Variants in DCAF12 observed in about 807,000 individuals in gnomAD.
DCAF12 encodes the protein DDB1- and CUL4-associated factor 12.
Under a neutral mutation model 52.8 loss-of-function variants are expected in DCAF12, and 28 were observed. That is an observed-to-expected ratio of 0.53 (90% CI 0.39 to 0.73). The LOEUF (loss-of-function observed/expected upper bound fraction) is 0.73, where lower values mean the gene tolerates loss of function less well. Among genes scored for constraint, DCAF12 ranks in the 30% least tolerant of loss-of-function variants. The pLI is 0.00. For synonymous variants in DCAF12, 196 were observed against 215.5 expected (o/e 0.91, Z 0.79); for missense variants, 425 against 552.2 (o/e 0.77, Z 2.31).
chr9:34,126,522 C>T lies in DCAF12; in HGVS notation c.-91G>A. The T allele has an allele frequency of 7.0e-7, 1 of 1,430,904 alleles. No individual in the cohort carries two copies. The highest frequency in any genetic ancestry group is 9.3e-7 in the Non-Finnish European group (1 of 1,077,062). 88.6% of individuals were successfully genotyped at this position (1,430,904 alleles called of 1,614,324 possible). ...CGGGTCATATACTGGGCCCCGGGGC[C>T]GCGCACCTTAGTGCGCCCGGCCCGG... On this transcript the variant is annotated 5_prime_UTR_variant, in exon 1 of 9. Transcript: ENST00000361264.
chr9:34,125,124 G>T lies in DCAF12; in HGVS notation c.232C>A (p.Leu78Ile). The T allele has an allele frequency of 6.2e-7, 1 of 1,614,124 alleles. No individual in the cohort carries two copies. The highest frequency in any genetic ancestry group is 8.5e-7 in the Non-Finnish European group (1 of 1,180,030). Residue 78 changes from leucine (L) to isoleucine (I), a missense_variant, in exon 2 of 9, where the codon CTC becomes ATC. Physicochemically the swap from Leu to Ile is conservative, Grantham distance 5. Coordinates refer to ENST00000361264, the MANE Select transcript of DCAF12 (RefSeq NM_015397.4). ...AGGTGAAACTCTCTCTCCTTCAGGA[G>T]ACTGGGAAGTTGCTGTGCTGCATAA... is the stretch of plus-strand genomic sequence containing the variant. ...HGYAAQQLPS[L>I]LKEREFHLGT...
At chr9:34,096,347 CA>C (rs1488230302) in intron 6 of DCAF12, 1 of 199,020 alleles carries the variant, frequency 5.0e-6, no homozygotes, top group African/African-American at 2.3e-5. Context: ...GACTGCACTC[CA>C]ACTTGGGTGA....
intron 2 of DCAF12, among the ~76,000 whole-genome samples, chr9:34,121,848 C>T (rs4879748): frequency 0.31 from 46,409 of 151,938 alleles, 7,570 homozygotes; most frequent in Non-Finnish European, 0.36. Flanking sequence ...GAGGCTGAGG[C>T]GGGAGAATCG....
At chr9:34,121,694 C>T (rs1829176930) in intron 2 of DCAF12, among the ~76,000 whole-genome samples, 1 of 152,142 alleles carries the variant, frequency 6.6e-6, no homozygotes, top group African/African-American at 2.4e-5. Flanking sequence ...CCTGTAATCC[C>T]AGCACTTTGG....
rs943545921 is a variant in DCAF12 at position 34,096,636 on chromosome 9, A to G, written c.861+80T>C. ...AATGAATAGATAAAATAAACATGAA[A>G]AAAAAGCTCAGCTAGAATTACAGTA... is the stretch of plus-strand genomic sequence containing the variant. On this transcript the variant is annotated intron_variant, in intron 6 of 8. Transcript: ENST00000361264. 3.1e-5 allele frequency: 41 copies of G among 1,303,810 alleles called. No individual in the cohort carries two copies. In the East Asian group the frequency reaches 9.7e-4, roughly 31 times the overall value. 80.8% of individuals were successfully genotyped at this position (1,303,810 alleles called of 1,614,324 possible).
intron 6 of DCAF12, 57 bp downstream of exon 6, chr9:34,096,659 G>A: frequency 6.9e-7 from 1 of 1,445,774 alleles, no homozygotes; most frequent in Non-Finnish European, 9.6e-7. Flanking sequence ...TAGAATTACA[G>A]TATTTTAACT....
Position 34,126,526 on chromosome 9 carries a change from C to A in DCAF12, c.-95G>T. On this transcript the variant is annotated 5_prime_UTR_variant, in exon 1 of 9. Coordinates refer to ENST00000361264, the MANE Select transcript of DCAF12 (RefSeq NM_015397.4). ...TCATATACTGGGCCCCGGGGCCGCG[C>A]ACCTTAGTGCGCCCGGCCCGGAAAA... The A allele has an allele frequency of 6.6e-6, 9 of 1,361,412 alleles. No homozygotes were observed. Among genetic ancestry groups the A allele is most frequent in the Non-Finnish European group, 8.8e-6 (9 of 1,024,924 alleles). 84.3% of individuals were successfully genotyped at this position (1,361,412 alleles called of 1,614,324 possible). A position where few individuals can be genotyped will look rare whatever the true frequency, so the allele number is the denominator to read the frequency against.
At chr9:34,101,562 T>A (rs1244080558) in intron 4 of DCAF12, among the ~76,000 whole-genome samples, 1 of 151,724 alleles carries the variant, frequency 6.6e-6, no homozygotes, top group Non-Finnish European at 1.5e-5. Flanking sequence ...CCGGCTAATT[T>A]TGTATTTTTA....
intron 2 of DCAF12, among the ~76,000 whole-genome samples, chr9:34,118,879 C>T (rs1449591075): frequency 2.0e-5 from 3 of 152,100 alleles, no homozygotes; most frequent in African/African-American, 7.2e-5. Flanking sequence ...GCAGAAGAAT[C>T]GCTTGAACCT....
intron 6 of DCAF12, among the ~76,000 whole-genome samples, chr9:34,094,564 A>T (rs1208416082): frequency 7.2e-5 from 10 of 137,994 alleles, no homozygotes; most frequent in Admixed American, 7.9e-5. Context: ...GGAGTCTCGC[A>T]CTGTCGCCCA....
chr9:34,118,766 C>G (rs1270121479), intron 2 of DCAF12, among the ~76,000 whole-genome samples: 1 of 151,608 alleles, frequency 6.6e-6, no homozygotes, highest in Non-Finnish European at 1.5e-5. Flanking sequence ...GAGTTCAAAA[C>G]CAGGCTGGCC....
chr9:34,117,709 T>C (rs773965832), intron 2 of DCAF12, among the ~76,000 whole-genome samples: 5 of 152,000 alleles, frequency 3.3e-5, no homozygotes, highest in Non-Finnish European at 7.4e-5. Flanking sequence ...GAGGTTGGGA[T>C]TTCGAGACCA....
At chr9:34,104,454 T>C (rs1828874387) in intron 4 of DCAF12, among the ~76,000 whole-genome samples, 1 of 152,126 alleles carries the variant, frequency 6.6e-6, no homozygotes, top group Admixed American at 6.6e-5. Flanking sequence ...GTGTGGGCCT[T>C]GTATGCTGTG....
intron 2 of DCAF12, among the ~76,000 whole-genome samples, chr9:34,110,193 A>G (rs1828977355): frequency 6.6e-6 from 1 of 152,120 alleles, no homozygotes; most frequent in African/African-American, 2.4e-5. Context: ...AACTGGCATC[A>G]TTGCTGATGC....
At chr9:34,101,730 C>G (rs907190186) in intron 4 of DCAF12, among the ~76,000 whole-genome samples, 4 of 151,794 alleles carry the variant, frequency 2.6e-5, no homozygotes, top group Non-Finnish European at 5.9e-5. Context: ...CTAGACCGTT[C>G]TTTATTAAGA....
At position 34,107,393 on chromosome 9, in the gene DCAF12, C is replaced by T. The variant is rs761820325; in HGVS notation, c.506G>A (p.Arg169Gln). 4 of 1,614,110 alleles carry T rather than the reference C, an allele frequency of 2.5e-6. No homozygotes were observed. The highest frequency in any genetic ancestry group is 1.7e-5 in the Admixed American group (1 of 59,990). ...ACACACAGGATCCAGCGTAGGTAGT[C>T]GATAGATGGCAAGACTGTTGGGGTT... Reference protein sequence around the residue: ...GDNPNSLAIYRLPTLDPVCVG... With the variant: ...GDNPNSLAIYQLPTLDPVCVG... The change falls in exon 3 of 9, where the codon CGA becomes CAA. Residue 169 changes from arginine (R) to glutamine (Q), a missense_variant. Arg to Gln is a conservative substitution (Grantham distance 43). Coordinates refer to ENST00000361264, the MANE Select transcript of DCAF12 (RefSeq NM_015397.4).
intron 2 of DCAF12, among the ~76,000 whole-genome samples, chr9:34,111,570 G>A (rs1829004045): frequency 6.6e-6 from 1 of 152,138 alleles, no homozygotes; most frequent in South Asian, 2.1e-4. Flanking sequence ...ATTTACAACA[G>A]TCACCTTTCA....
chr9:34,097,162 G>A (rs186084356), intron 5 of DCAF12, among the ~76,000 whole-genome samples: 1 of 152,084 alleles, frequency 6.6e-6, no homozygotes, highest in African/African-American at 2.4e-5. Flanking sequence ...AATACAGATG[G>A]GATAGGAGGT....
chr9:34,090,254 G>C (rs777358954), intron 7 of DCAF12, among the ~76,000 whole-genome samples: 15 of 152,078 alleles, frequency 9.9e-5, no homozygotes, highest in Non-Finnish European at 2.1e-4. Context: ...AGGAGAGACA[G>C]GGTTTCACCA....
Sources: allele counts gnomAD v4.1 joint callset (sites outside exome capture counted in the v4.1 genomes callset), GRCh38; gene constraint gnomAD v4.1.1; transcripts MANE v1.5; gene names NCBI Gene and HGNC (gene_info 2026-07-23, HGNC 2026-07-21).